WNK3: variants seen among roughly 807,000 people sequenced by gnomAD.
The protein encoded by WNK3 is serine/threonine-protein kinase WNK3.
In WNK3, 18 loss-of-function variants were observed where a neutral mutation model predicts 116.7. That is an observed-to-expected ratio of 0.15 (90% confidence interval 0.11 to 0.23). WNK3 has a LOEUF of 0.23. WNK3 is among the 10% of genes least tolerant of loss of function. The pLI, the probability that WNK3 is intolerant of heterozygous loss-of-function variation, is 1.00. For synonymous variants in WNK3, 404 were observed against 469.4 expected (o/e 0.86, Z 1.80); for missense variants, 993 against 1,323.8 (o/e 0.75, Z 3.88).
At chrX:54,218,270 C>CAG (rs2067720853) in intron 22 of WNK3, among the ~76,000 whole-genome samples, 1 of 110,876 alleles carries the variant, frequency 9.0e-6, no homozygotes, top group African/African-American at 3.3e-5. Context: ...TTTTGGCATA[C>CAG]GCAGGAGTCC....
At chrX:54,253,673 A>G (rs2068160489) in intron 13 of WNK3, among the ~76,000 whole-genome samples, 1 of 112,314 alleles carries the variant, frequency 8.9e-6, no homozygotes, top group Admixed American at 9.5e-5. Flanking sequence ...AGGCAATACA[A>G]TTGTTTTTAA....
At chrX:54,218,021 G>A (rs782082876) in intron 22 of WNK3, among the ~76,000 whole-genome samples, 1 of 111,654 alleles carries the variant, frequency 9.0e-6, no homozygotes, top group East Asian at 2.8e-4. Flanking sequence ...AAACATCCTG[G>A]AGGGGGCCTA....
In WNK3 at chrX:54,238,863, A is replaced by G. The variant is rs782773848; in HGVS notation, c.3883+5T>C. 1.2e-5 allele frequency: 14 copies of G among 1,145,864 alleles called. No homozygotes were observed. In the African/African-American group the frequency reaches 2.0e-4, roughly 16 times the overall value. The allele number at this position is 1,145,864 out of a possible 1,213,427, so 94.4% of individuals were successfully genotyped here. A position where few individuals can be genotyped will look rare whatever the true frequency, so the allele number is the denominator to read the frequency against. On this transcript the variant is annotated splice_donor_5th_base_variant and intron_variant, in intron 18 of 23. Transcript: ENST00000354646. ...AGTCTATGTCCCTGACTGTAAGCAC[A>G]CTACCTTGACGGACTTTTGATCTCT... is the stretch of plus-strand genomic sequence containing the variant.
intron 22 of WNK3, among the ~76,000 whole-genome samples, chrX:54,202,702 A>C (rs782500881): frequency 9.1e-5 from 10 of 110,277 alleles, no homozygotes; most frequent in Non-Finnish European, 1.1e-4. Context: ...AAAAAAAAAA[A>C]AAAGTTTCCT....
chrX:54,315,691 A>G (rs1557170744), intron 2 of WNK3, among the ~76,000 whole-genome samples: 1 of 111,631 alleles, frequency 9.0e-6, no homozygotes, highest in Non-Finnish European at 1.9e-5. Flanking sequence ...ATTTTACTAG[A>G]TATCTACTTT....
In WNK3 at chrX:54,216,901, T is replaced by C. The variant is rs782564408; in HGVS notation, c.4870+11813A>G. ...AAACAAATCCAACAGGGAGGCCAGG[T>C]GTATTGGCTCATGCCTGTAATCCCA... On this transcript the variant is annotated intron_variant, in intron 22 of 23. Transcript: ENST00000354646. 7.1e-5 allele frequency among the ~76,000 whole-genome samples: 8 copies of C among 112,026 alleles called. No individual in the cohort carries two copies. The East Asian group carries it at 2.2e-3, about 32-fold the overall frequency.
intron 22 of WNK3, among the ~76,000 whole-genome samples, chrX:54,219,700 A>AT (rs2067740507): frequency 1.0e-5 from 1 of 99,360 alleles, no homozygotes; most frequent in Non-Finnish European, 2.0e-5. Context: ...AAAAAAAAAA[A>AT]GGAAGGAGAT....
intron 22 of WNK3, among the ~76,000 whole-genome samples, chrX:54,216,840 G>C (rs1307762230): frequency 8.9e-6 from 1 of 111,821 alleles, no homozygotes; most frequent in Non-Finnish European, 1.9e-5. Flanking sequence ...GTGAACCTTG[G>C]GAAACCAGGC....
At chrX:54,291,723 T>C (rs1031077449) in intron 10 of WNK3, among the ~76,000 whole-genome samples, 1 of 112,216 alleles carries the variant, frequency 8.9e-6, no homozygotes. Flanking sequence ...AGTACATACA[T>C]GCTTTCCCCT....
At chrX:54,264,853 AT>A (rs374917527) in intron 10 of WNK3, among the ~76,000 whole-genome samples, 2,705 of 101,656 alleles carry the variant, frequency 0.027, 85 homozygotes, top group African/African-American at 0.083. Context: ...AGCAACTAAC[AT>A]TTTTTTTTTT....
chrX:54,287,811 G>A (rs1358362732), intron 10 of WNK3, among the ~76,000 whole-genome samples: 1 of 111,845 alleles, frequency 8.9e-6, no homozygotes, highest in African/African-American at 3.2e-5. Flanking sequence ...ATCTATTATA[G>A]TTCACTATCA....
chrX:54,341,192 T>A (rs1557176286), intron 1 of WNK3, among the ~76,000 whole-genome samples: 3 of 110,104 alleles, frequency 2.7e-5, no homozygotes, highest in African/African-American at 9.9e-5. Context: ...AGGTCAGGAG[T>A]TCGAGACCAG....
chrX:54,357,203 C>T (rs181214781), intron 1 of WNK3, among the ~76,000 whole-genome samples: 1 of 110,310 alleles, frequency 9.1e-6, no homozygotes, highest in Admixed American at 9.8e-5. Context: ...GCGATCTTCC[C>T]TTTCAGTAGC....
intron 22 of WNK3, among the ~76,000 whole-genome samples, chrX:54,213,283 G>C (rs187199942): frequency 9.2e-6 from 1 of 109,204 alleles, no homozygotes; most frequent in Non-Finnish European, 1.9e-5. Flanking sequence ...GATAATGAGC[G>C]GTGGCTCACA....
At chrX:54,346,873 A>G (rs1311081634) in intron 1 of WNK3, among the ~76,000 whole-genome samples, 1 of 111,899 alleles carries the variant, frequency 8.9e-6, no homozygotes, top group African/African-American at 3.2e-5. Flanking sequence ...ATATTAAAGT[A>G]CTATTCAACA....
chrX:54,198,481 C>A (rs1557140773), exon 24 of WNK3: 7 of 1,208,491 alleles, frequency 5.8e-6, no homozygotes, highest in Non-Finnish European at 7.8e-6. Flanking sequence ...TACTGGATAC[C>A]CCGCCCCCGC....
At chrX:54,208,373 C>G (rs933531740) in intron 22 of WNK3, among the ~76,000 whole-genome samples, 2 of 110,403 alleles carry the variant, frequency 1.8e-5, no homozygotes, top group Non-Finnish European at 3.8e-5. Context: ...ATCCACCCGC[C>G]TCGGCCTCCC....
chrX:54,354,511 C>G (rs1557179045), intron 1 of WNK3, among the ~76,000 whole-genome samples: 1 of 110,261 alleles, frequency 9.1e-6, no homozygotes, highest in Non-Finnish European at 1.9e-5. Flanking sequence ...CCAGGAACAA[C>G]AGTTAACTGT....
intron 1 of WNK3, among the ~76,000 whole-genome samples, chrX:54,338,282 T>G (rs954674103): frequency 6.3e-5 from 7 of 110,459 alleles, no homozygotes; most frequent in African/African-American, 2.3e-4. Context: ...ATTAGCCAGG[T>G]GTGGTTGTGT....
Sources: allele counts gnomAD v4.1 joint callset (sites outside exome capture counted in the v4.1 genomes callset), GRCh38; gene constraint gnomAD v4.1.1; transcripts MANE v1.5; gene names NCBI Gene and HGNC (gene_info 2026-07-23, HGNC 2026-07-21).